Variants in MAP3K9 observed in about 807,000 individuals in gnomAD.
MAP3K9 encodes the protein mixed lineage kinase 1 (tyr and ser/thr specificity).
Under a neutral mutation model 95.8 loss-of-function variants are expected in MAP3K9, and 46 were observed. The ratio of observed to expected loss-of-function variants is 0.48; its 90% CI spans 0.38 to 0.61. The LOEUF (loss-of-function observed/expected upper bound fraction) is 0.61. Ranked by LOEUF, MAP3K9 falls within the 20% of genes least tolerant of loss-of-function variation. The pLI is 0.00. For synonymous variants in MAP3K9, 533 were observed against 593.8 expected, an observed-to-expected ratio of 0.90 and a Z score of 1.49; for missense variants, 1,296 against 1,474.3, an observed-to-expected ratio of 0.88 and a Z score of 1.98.
intron 3 of MAP3K9, among the ~76,000 whole-genome samples, chr14:70,755,873 G>A (rs533195673): frequency 6.6e-6 from 1 of 152,224 alleles, no homozygotes; most frequent in African/African-American, 2.4e-5. Context: ...CTAGACTAGA[G>A]CAACTAGAGA....
intron 3 of MAP3K9, among the ~76,000 whole-genome samples, chr14:70,750,631 T>G (rs1459908403): frequency 6.6e-6 from 1 of 152,050 alleles, no homozygotes; most frequent in East Asian, 1.9e-4. Context: ...ATTACAGGCA[T>G]GCACCACCAC....
At chr14:70,760,789 C>T (rs186506238) in intron 3 of MAP3K9, among the ~76,000 whole-genome samples, 7 of 152,202 alleles carry the variant, frequency 4.6e-5, no homozygotes, top group Middle Eastern at 3.4e-3. Flanking sequence ...AAGTGGCCTG[C>T]GTATAGCACT....
chr14:70,739,990 G>A, intron 7 of MAP3K9, 52 bp downstream of exon 7: 1 of 1,614,178 alleles, frequency 6.2e-7, no homozygotes, highest in East Asian at 2.2e-5. Context: ...CAGAGCAGGG[G>A]ACAGGTGCCC....
chr14:70,735,892 G>A lies in MAP3K9; in HGVS notation c.1913+69C>T, dbSNP rs1040800800. ...GAGGCTTGATTCTATGGGGTATGCT[G>A]TAAGAACAAGGAAATGGAAGGGAGA... On this transcript the variant is annotated intron_variant, in intron 9 of 11. Coordinates refer to ENST00000554752, the MANE Select transcript of MAP3K9 (RefSeq NM_001284230.2). 13 of 1,212,142 alleles carry A rather than the reference G, an allele frequency of 1.1e-5. No individual in the cohort carries two copies. The Admixed American group carries it at 1.3e-4, about 13-fold the overall frequency. The allele number at this position is 1,212,142 out of a possible 1,614,324, so 75.1% of individuals were successfully genotyped here. A position where few individuals can be genotyped will look rare whatever the true frequency, so the allele number is the denominator to read the frequency against.
intron 5 of MAP3K9, among the ~76,000 whole-genome samples, chr14:70,747,769 A>G (rs1174738997): frequency 2.0e-5 from 3 of 152,236 alleles, no homozygotes; most frequent in Non-Finnish European, 4.4e-5. Context: ...AAAGCCATAA[A>G]CAATTTTAGC....
At position 70,724,003 on chromosome 14, in the gene MAP3K9, T is replaced by C. The variant is rs1303143420; in HGVS notation, c.*6377A>G. On this transcript the variant is annotated 3_prime_UTR_variant, in exon 12 of 12. Transcript: ENST00000554752. The stretch of plus-strand genomic sequence containing the variant: ...GCAGAGGGTGTGATGGGCCAAATTC[T>C]GAAGACTCACTGTGCAGGCACAGAG... The C allele has an allele frequency of 6.6e-6, 1 of 152,230 alleles. No individual in the cohort carries two copies. The highest frequency in any genetic ancestry group is 1.5e-5 in the Non-Finnish European group (1 of 68,050). 9.4% of individuals were successfully genotyped at this position (152,230 alleles called of 1,614,324 possible).
intron 5 of MAP3K9, among the ~76,000 whole-genome samples, chr14:70,748,327 G>A (rs1258815344): frequency 6.6e-6 from 1 of 152,144 alleles, no homozygotes; most frequent in Non-Finnish European, 1.5e-5. Context: ...ATCTCTGGTA[G>A]GCTAGGAGTC....
intron 2 of MAP3K9, among the ~76,000 whole-genome samples, chr14:70,799,618 C>T (rs532199926): frequency 3.3e-4 from 50 of 152,204 alleles, no homozygotes; most frequent in Non-Finnish European, 6.0e-4. Context: ...GGATTACAGG[C>T]GTGAGCCACC....
intron 9 of MAP3K9, among the ~76,000 whole-genome samples, chr14:70,735,133 G>A (rs368969076): frequency 6.6e-6 from 1 of 152,204 alleles, no homozygotes; most frequent in Non-Finnish European, 1.5e-5. Context: ...TCTGTCTGGG[G>A]GTGGAGAGAC....
At chr14:70,793,673 T>TTCATTCAC (rs2054831454) in intron 2 of MAP3K9, among the ~76,000 whole-genome samples, 2 of 152,014 alleles carry the variant, frequency 1.3e-5, no homozygotes, top group Admixed American at 1.3e-4. Flanking sequence ...CATTCATTCA[T>TTCATTCAC]TCATTCATTC....
Position 70,768,563 on chromosome 14 carries a change from TGAA to T in MAP3K9, c.821-7384_821-7382del, listed in dbSNP as rs2054488908. On this transcript the variant is annotated intron_variant, in intron 2 of 11. Coordinates refer to ENST00000554752, the MANE Select transcript of MAP3K9 (RefSeq NM_001284230.2). ...TGATCCTCCATTTACACAAAAAAGC[TGAA>T]TGACTTTCTTTGGGATTCAATGTTG... is the stretch of plus-strand genomic sequence containing the variant. Among the ~76,000 whole-genome samples the T allele has an allele frequency of 2.0e-5, 3 of 152,284 alleles. No individual in the cohort carries two copies. In the East Asian group the frequency reaches 5.8e-4, roughly 29 times the overall value.
At chr14:70,758,200 C>A (rs1219534632) in intron 3 of MAP3K9, among the ~76,000 whole-genome samples, 2 of 152,066 alleles carry the variant, frequency 1.3e-5, no homozygotes, top group African/African-American at 4.8e-5. Context: ...AAGACAAATA[C>A]TCTAATTTTT....
intron 8 of MAP3K9, among the ~76,000 whole-genome samples, chr14:70,736,969 T>C (rs1280000401): frequency 1.3e-5 from 2 of 152,196 alleles, no homozygotes; most frequent in Non-Finnish European, 2.9e-5. Context: ...ATTTTGGACA[T>C]GGAATCTTAG....
rs1444500575 is a variant in MAP3K9 at position 70,726,347 on chromosome 14, C to A, written c.*4033G>T. The A allele has an allele frequency of 6.6e-6, 1 of 152,226 alleles. No individual in the cohort carries two copies. The highest frequency in any genetic ancestry group is 1.9e-4 in the East Asian group (1 of 5,186). The allele number at this position is 152,226 out of a possible 1,614,324, so 9.4% of individuals were successfully genotyped here. Reference sequence around the variant, plus strand: ...GGGGCTTAGTGACCATGACACATGTCCCAAGAACAAGGGGACCCTTTTCCA... The same window carrying A: ...GGGGCTTAGTGACCATGACACATGTACCAAGAACAAGGGGACCCTTTTCCA... On this transcript the variant is annotated 3_prime_UTR_variant, in exon 12 of 12. Transcript: ENST00000554752.
At chr14:70,730,903 AC>A (rs761729887) in intron 11 of MAP3K9, 39 bp from the exon 12 acceptor site, 2 of 1,564,384 alleles carry the variant, frequency 1.3e-6, no homozygotes, top group South Asian at 2.3e-5. Context: ...CAGATGAGGC[AC>A]CATATTTCGG....
intron 2 of MAP3K9, among the ~76,000 whole-genome samples, chr14:70,783,853 A>G (rs930083429): frequency 5.3e-5 from 8 of 152,360 alleles, no homozygotes; most frequent in East Asian, 3.9e-4. Context: ...ATAACCACAC[A>G]GGGCTCTGCA....
chr14:70,744,232 A>T (rs1001170444), intron 5 of MAP3K9, among the ~76,000 whole-genome samples: 1 of 152,128 alleles, frequency 6.6e-6, no homozygotes, highest in Non-Finnish European at 1.5e-5. Context: ...ATTAGGAAAA[A>T]TACCTAATGT....
chr14:70,765,806 A>T (rs2139793108), intron 2 of MAP3K9, among the ~76,000 whole-genome samples: 1 of 151,516 alleles, frequency 6.6e-6, no homozygotes, highest in South Asian at 2.1e-4. Flanking sequence ...CCATAGCGGG[A>T]CAAGCTTGGG....
intron 2 of MAP3K9, among the ~76,000 whole-genome samples, chr14:70,789,489 T>C (rs1353372736): frequency 1.3e-5 from 2 of 152,254 alleles, no homozygotes; most frequent in Non-Finnish European, 2.9e-5. Context: ...TGTGTGATAC[T>C]GACACATAAT....
Sources: gnomAD v4.1 joint callset for allele counts (sites outside exome capture counted in the v4.1 genomes callset) on GRCh38, gnomAD v4.1.1 for gene constraint, MANE v1.5 for transcripts, NCBI Gene and HGNC (gene_info 2026-07-23, HGNC 2026-07-21) for gene names.